The following MPHOSPH9 variants were observed in gnomAD, a reference collection of about 807,000 sequenced individuals.
The protein encoded by MPHOSPH9 is M-phase phosphoprotein 9.
A neutral mutation model predicts 145.5 loss-of-function variants in MPHOSPH9; 88 were observed. The observed-to-expected ratio is 0.60, with a 90% CI of 0.51 to 0.72. MPHOSPH9 has a LOEUF of 0.72. Among genes scored for constraint, MPHOSPH9 ranks in the 30% least tolerant of loss-of-function variants. The pLI, the probability that MPHOSPH9 is intolerant of heterozygous loss-of-function variation, is 0.00. For missense variants in MPHOSPH9, 1,238 were observed against 1,386.6 expected (o/e 0.89, Z 1.70); for synonymous variants, 435 against 486.2 (o/e 0.89, Z 1.39).
intron 5 of MPHOSPH9, among the ~76,000 whole-genome samples, chr12:123,220,129 G>A (rs2047136718): frequency 6.6e-6 from 1 of 152,104 alleles, no homozygotes; most frequent in African/African-American, 2.4e-5. Flanking sequence ...GGGAGGTAGA[G>A]GTTGCAGTGA....
chr12:123,158,743 T>C (rs529658637), intron 23 of MPHOSPH9, among the ~76,000 whole-genome samples: 69 of 150,352 alleles, frequency 4.6e-4, no homozygotes, highest in Non-Finnish European at 8.3e-4. Context: ...GTGAACCTCC[T>C]GCCTCAGCCT....
At chr12:123,219,053 C>G (rs1385229292) in intron 5 of MPHOSPH9, among the ~76,000 whole-genome samples, 1 of 151,866 alleles carries the variant, frequency 6.6e-6, no homozygotes, top group Non-Finnish European at 1.5e-5. Context: ...CAGGTGGCCA[C>G]CACCACACCC....
At chr12:123,194,957 A>C (rs2045880369) in intron 12 of MPHOSPH9, among the ~76,000 whole-genome samples, 1 of 152,176 alleles carries the variant, frequency 6.6e-6, no homozygotes, top group Admixed American at 6.6e-5. Flanking sequence ...AAGATGCCTT[A>C]ATAATAGCTA....
intron 3 of MPHOSPH9, among the ~76,000 whole-genome samples, chr12:123,224,400 C>G (rs992917976): frequency 6.6e-6 from 1 of 152,056 alleles, no homozygotes; most frequent in African/African-American, 2.4e-5. Flanking sequence ...TCCCAAAGTG[C>G]TGGGATTACA....
chr12:123,227,663 G>A (rs993810216), intron 2 of MPHOSPH9, 47 bp from the exon 3 acceptor site: 1 of 1,433,230 alleles, frequency 7.0e-7, no homozygotes, highest in African/African-American at 1.4e-5. Context: ...TTCTATCAAA[G>A]TGTTGAATAA....
In MPHOSPH9 at chr12:123,168,236, A is replaced by G. The variant is rs76617121; in HGVS notation, c.2457-1447T>C. Among the ~76,000 whole-genome samples, 876 of 151,384 alleles carry G rather than the reference A, an allele frequency of 5.8e-3. 41 individuals carry two copies. The East Asian group carries it at 0.11, about 19-fold the overall frequency. On this transcript the variant is annotated intron_variant, in intron 16 of 23. Transcript: ENST00000606320. ...TACAAAGGCCGCGCTTCAGGTCTCA[A>G]CTCCTACCACTGAGCTTTGCTGGAA...
rs1463192764 is a variant in MPHOSPH9 at position 123,161,203 on chromosome 12, G to A, written c.3314C>T (p.Thr1105Ile). The change falls in exon 22 of 24, where the codon ACA becomes ATA. Residue 1105 changes from threonine to isoleucine, a missense_variant. Thr to Ile is a moderately conservative substitution (Grantham distance 89, BLOSUM62 -1). This residue lies in a region of MPHOSPH9 where 393 missense variants were observed against 462.5 expected (regional missense o/e 0.85). Transcript: ENST00000606320. ...VTPQGNDFEY[T>I]AKIRTLAETE... ...TTCAGCTAGGGTCCGAATTTTTGCT[G>A]TATATTCAAAATCATTCCCCTGTGG... 1.2e-6 allele frequency: 2 copies of A among 1,614,110 alleles called. No individual in the cohort carries two copies. The highest frequency in any genetic ancestry group is 1.1e-5 in the South Asian group (1 of 91,070).
chr12:123,174,200 C>A (rs759783320), intron 16 of MPHOSPH9, among the ~76,000 whole-genome samples: 13 of 152,114 alleles, frequency 8.5e-5, no homozygotes, highest in Non-Finnish European at 1.5e-4. Context: ...CACTCAATAC[C>A]GGTGGCTGCT....
chr12:123,227,374 G>C, intron 3 of MPHOSPH9, 89 bp downstream of exon 3: 1 of 1,010,080 alleles, frequency 9.9e-7, no homozygotes, highest in Non-Finnish European at 1.4e-6. Context: ...TGCTCTTCAG[G>C]ACATAAATTT....
chr12:123,162,499 TAG>T (rs1275026178), intron 20 of MPHOSPH9: 1 of 208,134 alleles, frequency 4.8e-6, no homozygotes, highest in Admixed American at 5.8e-5. Flanking sequence ...CCCCGTTTTA[TAG>T]AAGAGGAAAC....
intron 13 of MPHOSPH9, among the ~76,000 whole-genome samples, chr12:123,191,282 T>C (rs953479592): frequency 6.6e-6 from 1 of 151,736 alleles, no homozygotes; most frequent in Admixed American, 6.6e-5. Context: ...GATTGCACCA[T>C]TGCACTCCAG....
At position 123,214,767 on chromosome 12, in the gene MPHOSPH9, G is replaced by C. The variant is rs1319525183; in HGVS notation, c.1064C>G (p.Ala355Gly). 1 of 1,612,774 alleles carries C rather than the reference G, an allele frequency of 6.2e-7. No homozygotes were observed. Among genetic ancestry groups the C allele is most frequent in the East Asian group, 2.2e-5 (1 of 44,872 alleles). ...YLSKPDETPN[A>G]WMSDSGTGLT... is the part of the protein sequence containing the mutation. The stretch of plus-strand genomic sequence containing the variant: ...ACCTGTTCCTGAATCAGACATCCAA[G>C]CATTTGGAGTTTCATCTGGTTTACT... Residue 355 changes from alanine (A) to glycine (G), a missense_variant, in exon 7 of 24, where the codon GCT becomes GGT. Physicochemically the swap from Ala to Gly is moderately conservative, Grantham distance 60. Around this residue, in one of 3 missense-constraint regions of MPHOSPH9, gnomAD observed 837 missense variants for 897.5 expected, o/e 0.93. Transcript: ENST00000606320.
chr12:123,193,711 A>G (rs968604988), intron 13 of MPHOSPH9, among the ~76,000 whole-genome samples: 1 of 152,206 alleles, frequency 6.6e-6, no homozygotes, highest in Non-Finnish European at 1.5e-5. Flanking sequence ...AAGTGAAATT[A>G]TATCAAAGTG....
intron 11 of MPHOSPH9, among the ~76,000 whole-genome samples, chr12:123,200,690 G>A (rs1324778837): frequency 2.8e-5 from 4 of 142,180 alleles, no homozygotes; most frequent in Middle Eastern, 3.9e-3. Flanking sequence ...TCACTCTGTC[G>A]CCCAGGCTGG....
At chr12:123,165,587 T>C in intron 17 of MPHOSPH9, 110 bp from the exon 18 acceptor site, 1 of 997,810 alleles carries the variant, frequency 1.0e-6, no homozygotes, top group South Asian at 1.6e-5. Flanking sequence ...AATGTGATGG[T>C]GTGTGGAGGT....
rs1340051225 is a variant in MPHOSPH9 at position 123,223,115 on chromosome 12, G to A, written c.271C>T (p.Gln91Ter). ...LWKNCETRWL[Q>*]LFNLVEKQCQ... ...TGTTTTTCCACCAAATTGAATAGCT[G>A]TAACCACCTGGTCTATTAAATTATA... The change falls in exon 4 of 24, where the codon CAG becomes TAG. Residue 91 changes from glutamine to a stop codon, truncating the protein, a stop_gained. Coordinates refer to ENST00000606320, the MANE Select transcript of MPHOSPH9 (RefSeq NM_022782.4). LOFTEE classifies it high-confidence loss of function. 2 of 1,435,832 alleles carry A rather than the reference G, an allele frequency of 1.4e-6. No homozygotes were observed. The highest frequency in any genetic ancestry group is 1.5e-5 in the South Asian group (1 of 67,484). The allele number at this position is 1,435,832 out of a possible 1,614,324, so 88.9% of individuals were successfully genotyped here. A position where few individuals can be genotyped will look rare whatever the true frequency, so the allele number is the denominator to read the frequency against.
intron 3 of MPHOSPH9, among the ~76,000 whole-genome samples, chr12:123,223,404 C>T (rs970416851): frequency 3.3e-5 from 5 of 152,174 alleles, no homozygotes; most frequent in African/African-American, 1.2e-4. Flanking sequence ...AAACTAACTG[C>T]CTGCGTAAAG....
In MPHOSPH9 at chr12:123,223,281, G is replaced by A. The variant is rs191737067; in HGVS notation, c.259-154C>T. 9.7e-4 allele frequency among the ~76,000 whole-genome samples: 147 copies of A among 152,036 alleles called. 1 individual carries two copies. The highest frequency in any genetic ancestry group is 1.6e-3 in the Non-Finnish European group (112 of 67,984). On this transcript the variant is annotated intron_variant, in intron 3 of 23. Coordinates refer to ENST00000606320, the MANE Select transcript of MPHOSPH9 (RefSeq NM_022782.4). ...TCTCATAGCTAGAGTATGCTGGCGC[G>A]CCACACCAAGAGAGCAGGGAGTTCT...
At chr12:123,167,849 C>G (rs1254410067) in intron 16 of MPHOSPH9, among the ~76,000 whole-genome samples, 1 of 152,128 alleles carries the variant, frequency 6.6e-6, no homozygotes, top group East Asian at 1.9e-4. Context: ...TTAGAGCCTG[C>G]CTTGTTTTCT....
Sources: allele counts gnomAD v4.1 joint callset (sites outside exome capture counted in the v4.1 genomes callset), GRCh38; gene constraint gnomAD v4.1.1; regional missense constraint gnomAD v4.1.1; transcripts MANE v1.5; gene names NCBI Gene and HGNC (gene_info 2026-07-23, HGNC 2026-07-21).